The following ERBB4 variants were observed in gnomAD, a reference collection of about 807,000 sequenced individuals.
ERBB4 encodes the protein receptor tyrosine-protein kinase erbB-4.
ERBB4 carries 42 observed loss-of-function variants against 158.0 expected under a neutral mutation model. The observed-to-expected ratio is 0.27, with a 90% CI of 0.21 to 0.34. The LOEUF (loss-of-function observed/expected upper bound fraction) is 0.34. Ranked by LOEUF, ERBB4 falls within the 10% of genes least tolerant of loss-of-function variation. The probability of loss-of-function intolerance (pLI) is 1.00; values close to 1 mark genes in which losing one functional copy is unlikely to be tolerated. For synonymous variants in ERBB4, 583 were observed against 558.7 expected, an observed-to-expected ratio of 1.04 and a Z score of -0.61; for missense variants, 1,333 against 1,624.1, an observed-to-expected ratio of 0.82 and a Z score of 3.08.
chr2:212,191,027 T>C (rs551277132), intron 1 of ERBB4, among the ~76,000 whole-genome samples: 1 of 151,722 alleles, frequency 6.6e-6, no homozygotes, highest in African/African-American at 2.4e-5. Flanking sequence ...AACACAGCCC[T>C]AAGGGCATTT....
At chr2:212,029,643 T>C (rs1454158302) in intron 2 of ERBB4, among the ~76,000 whole-genome samples, 1 of 152,190 alleles carries the variant, frequency 6.6e-6, no homozygotes, top group Admixed American at 6.6e-5. Context: ...ATCTGAGTTG[T>C]AGGTTTTAAA....
chr2:212,300,644 C>T (rs2086586293), intron 1 of ERBB4, among the ~76,000 whole-genome samples: 1 of 151,418 alleles, frequency 6.6e-6, no homozygotes, highest in African/African-American at 2.4e-5. Flanking sequence ...ACCACTTATT[C>T]ACCACAAACA....
chr2:211,829,373 G>T (rs976204897), intron 3 of ERBB4, among the ~76,000 whole-genome samples: 3 of 151,976 alleles, frequency 2.0e-5, no homozygotes, highest in African/African-American at 7.3e-5. Context: ...TATAATATTT[G>T]ATTGTTGAAC....
At chr2:212,193,645 T>C (rs974861199) in intron 1 of ERBB4, among the ~76,000 whole-genome samples, 7 of 152,058 alleles carry the variant, frequency 4.6e-5, no homozygotes, top group African/African-American at 1.4e-4. Context: ...AGTAATCATA[T>C]TACTCATATA....
rs532964506 is a variant in ERBB4 at position 211,732,521 on chromosome 2, C to T, written c.623-7327G>A. Reference sequence around the variant, plus strand: ...TTGGTGATAGCTACTCTAAATAAACCGACCAGGCCATATCATGAAGTATAT... The same window carrying T: ...TTGGTGATAGCTACTCTAAATAAACTGACCAGGCCATATCATGAAGTATAT... On this transcript the variant is annotated intron_variant, in intron 5 of 27. Coordinates refer to ENST00000342788, the MANE Select transcript of ERBB4 (RefSeq NM_005235.3). 2.3e-4 allele frequency among the ~76,000 whole-genome samples: 35 copies of T among 152,220 alleles called. 1 individual carries two copies. Among genetic ancestry groups the T allele is most frequent in the South Asian group, 1.9e-3 (9 of 4,824 alleles).
rs766190918 is a variant in ERBB4 at position 212,366,919 on chromosome 2, T to C, written c.82+171530A>G. Reference sequence around the variant, plus strand: ...ATAAATGATCTCTCTATGGACTGAATTGTGTCTCTTCCAAATTTATATGTT... The same window carrying C: ...ATAAATGATCTCTCTATGGACTGAACTGTGTCTCTTCCAAATTTATATGTT... On this transcript the variant is annotated intron_variant, in intron 1 of 27. Coordinates refer to ENST00000342788, the MANE Select transcript of ERBB4 (RefSeq NM_005235.3). Among the ~76,000 whole-genome samples the C allele has an allele frequency of 5.9e-5, 9 of 152,032 alleles. No individual in the cohort carries two copies. The East Asian group carries it at 7.7e-4, about 13-fold the overall frequency.
chr2:211,642,413 A>G (rs2070629596), intron 16 of ERBB4, among the ~76,000 whole-genome samples: 1 of 151,702 alleles, frequency 6.6e-6, no homozygotes. Flanking sequence ...AGTCCTTTTC[A>G]CTCATTTTCT....
rs148669553 is a variant in ERBB4 at position 212,525,164 on chromosome 2, C to T, written c.82+13285G>A. Among the ~76,000 whole-genome samples, 150 of 151,798 alleles carry T rather than the reference C, an allele frequency of 9.9e-4. 1 individual carries two copies. The East Asian group carries it at 0.023, about 23-fold the overall frequency. Reference sequence around the variant, plus strand: ...ACAAGGGTTTACGGAAATTTGAAAACGTCAAAAAGAGGCTCCACATTCCTA... The same window carrying T: ...ACAAGGGTTTACGGAAATTTGAAAATGTCAAAAAGAGGCTCCACATTCCTA... On this transcript the variant is annotated intron_variant, in intron 1 of 27. Transcript: ENST00000342788.
chr2:211,660,495 A>C (rs1212031450), intron 15 of ERBB4, among the ~76,000 whole-genome samples: 1 of 152,242 alleles, frequency 6.6e-6, no homozygotes, highest in Admixed American at 6.5e-5. Flanking sequence ...ACTATCCTTG[A>C]GAGAATCCAA....
rs1476305321 is a variant in ERBB4, at chr2:212,198,599, G to T, written c.83-73696C>A. Among the ~76,000 whole-genome samples the T allele has an allele frequency of 2.0e-5, 3 of 152,154 alleles. No homozygotes were observed. The East Asian group carries it at 5.8e-4, about 29-fold the overall frequency. ...CTGCCATATATATAGTTTTTAGCTGGAGTCTTGCTCTGTTGCCCAGGCTGG... is the reference window on the plus strand; with the variant it reads ...CTGCCATATATATAGTTTTTAGCTGTAGTCTTGCTCTGTTGCCCAGGCTGG... On this transcript the variant is annotated intron_variant, in intron 1 of 27. Transcript: ENST00000342788.
intron 2 of ERBB4, among the ~76,000 whole-genome samples, chr2:211,979,436 T>C (rs920656884): frequency 1.3e-5 from 2 of 152,198 alleles, no homozygotes; most frequent in African/African-American, 4.8e-5. Flanking sequence ...TAGTAACTAC[T>C]AAAAAGAATG....
At chr2:211,598,869 AC>A (rs1216349771) in intron 19 of ERBB4, among the ~76,000 whole-genome samples, 1 of 152,142 alleles carries the variant, frequency 6.6e-6, no homozygotes, top group Non-Finnish European at 1.5e-5. Flanking sequence ...ATATAAATGT[AC>A]CCAACAATTT....
intron 1 of ERBB4, among the ~76,000 whole-genome samples, chr2:212,224,530 T>C (rs1233993287): frequency 6.6e-6 from 1 of 151,974 alleles, no homozygotes; most frequent in African/African-American, 2.4e-5. Flanking sequence ...GAAAAACGTA[T>C]TGCTCTTTTG....
intron 1 of ERBB4, among the ~76,000 whole-genome samples, chr2:212,446,581 A>ATATATATATG (rs1217232571): frequency 8.1e-5 from 2 of 24,692 alleles, no homozygotes; most frequent in Admixed American, 4.0e-4. Flanking sequence ...AAACTCCCAT[A>ATATATATATG]TATATATATG....
At chr2:212,480,150 C>T (rs1055773879) in intron 1 of ERBB4, among the ~76,000 whole-genome samples, 8 of 152,162 alleles carry the variant, frequency 5.3e-5, no homozygotes. Flanking sequence ...ACTTAAAATA[C>T]CTGATAACAA....
At chr2:212,532,424 C>A (rs1692803757) in intron 1 of ERBB4, among the ~76,000 whole-genome samples, 1 of 152,136 alleles carries the variant, frequency 6.6e-6, no homozygotes, top group Non-Finnish European at 1.5e-5. Flanking sequence ...TAGGGCTATG[C>A]CTATGACTTC....
rs991464546 is a variant in ERBB4, at chr2:212,322,937, G to A, written c.83-198034C>T. 8.0e-5 allele frequency among the ~76,000 whole-genome samples: 11 copies of A among 136,776 alleles called. 1 individual carries two copies. Among genetic ancestry groups the A allele is most frequent in the East Asian group, 3.9e-4 (2 of 5,088 alleles). The allele number at this position is 136,776 out of a possible 152,430, so 89.7% of individuals were successfully genotyped here. A position where few individuals can be genotyped will look rare whatever the true frequency, so the allele number is the denominator to read the frequency against. On this transcript the variant is annotated intron_variant, in intron 1 of 27. Coordinates refer to ENST00000342788, the MANE Select transcript of ERBB4 (RefSeq NM_005235.3). ...CTGCTAAATGTTATTCTCCCTAGCC[G>A]GAAAAAAAAATCATTCTTGAAATCA...
At chr2:211,608,847 T>G (rs886604240) in intron 19 of ERBB4, among the ~76,000 whole-genome samples, 4 of 152,156 alleles carry the variant, frequency 2.6e-5, no homozygotes, top group Admixed American at 2.0e-4. Flanking sequence ...CTTGTTTACA[T>G]TAATATATTC....
At chr2:212,077,231 A>G (rs960847542) in intron 2 of ERBB4, among the ~76,000 whole-genome samples, 10 of 151,968 alleles carry the variant, frequency 6.6e-5, no homozygotes, top group African/African-American at 2.4e-4. Flanking sequence ...ATCATTATCT[A>G]CTAAAGTTTA....
Sources: allele counts gnomAD v4.1 joint callset (sites outside exome capture counted in the v4.1 genomes callset), GRCh38; gene constraint gnomAD v4.1.1; transcripts MANE v1.5; gene names NCBI Gene and HGNC (gene_info 2026-07-23, HGNC 2026-07-21).